The following CPED1 variants were observed in gnomAD, a reference collection of about 807,000 sequenced individuals.
The protein encoded by CPED1 is cadherin-like and PC-esterase domain-containing protein 1.
Under a neutral mutation model 128.2 loss-of-function variants are expected in CPED1, and 114 were observed. The ratio of observed to expected loss-of-function variants is 0.89; its 90% CI spans 0.76 to 1.04. CPED1 has a LOEUF of 1.04. CPED1 is among the 50% of genes least tolerant of loss of function. The pLI is 0.00. For synonymous variants in CPED1, 462 were observed against 426.7 expected (o/e 1.08, Z -1.02); for missense variants, 1,211 against 1,207.1 (o/e 1.00, Z -0.05).
At chr7:121,037,475 T>C (rs1792925338) in intron 3 of CPED1, among the ~76,000 whole-genome samples, 1 of 152,198 alleles carries the variant, frequency 6.6e-6, no homozygotes, top group East Asian at 1.9e-4. Flanking sequence ...TTCTGGGTTC[T>C]CTATTCTGTT....
chr7:121,152,736 T>G (rs1468558868), intron 16 of CPED1, among the ~76,000 whole-genome samples: 1 of 152,232 alleles, frequency 6.6e-6, no homozygotes, highest in East Asian at 1.9e-4. Flanking sequence ...TCAAATTTTA[T>G]TTTTCCATTG....
chr7:121,141,969 C>T lies in CPED1; in HGVS notation c.1887-4C>T. The stretch of plus-strand genomic sequence containing the variant: ...TCTATTTCTCTCTCCCTCTTTCTCT[C>T]CAGCTTTGCCAGCTACCCTCTGGGC... On this transcript the variant is annotated splice_region_variant and splice_polypyrimidine_tract_variant and intron_variant, in intron 15 of 22. Coordinates refer to ENST00000310396, the MANE Select transcript of CPED1 (RefSeq NM_024913.5). The T allele has an allele frequency of 6.2e-7, 1 of 1,610,798 alleles. No homozygotes were observed. Among genetic ancestry groups the T allele is most frequent in the Non-Finnish European group, 8.5e-7 (1 of 1,177,666 alleles).
chr7:121,250,219 C>A (rs570064254), intron 18 of CPED1, among the ~76,000 whole-genome samples: 234 of 152,296 alleles, frequency 1.5e-3, no homozygotes, highest in African/African-American at 5.5e-3. Flanking sequence ...TCCTGAATAA[C>A]TACTGGGTAC....
chr7:121,085,330 C>T (rs1282158729), intron 5 of CPED1, among the ~76,000 whole-genome samples: 6 of 152,166 alleles, frequency 3.9e-5, no homozygotes, highest in Admixed American at 3.9e-4. Context: ...ATTGTCCTGC[C>T]CAGGGCCTGT....
Position 121,117,493 on chromosome 7 carries a change from CTT to C in CPED1, c.919-6832_919-6831del, listed in dbSNP as rs374884678. On this transcript the variant is annotated intron_variant, in intron 7 of 22. Transcript: ENST00000310396. ...AGTCATTTTTCTCCATTTCTCTAAT[CTT>C]TTTTTCTCTTTTTCTTCTATTGTTA... is the stretch of plus-strand genomic sequence containing the variant. Among the ~76,000 whole-genome samples the C allele has an allele frequency of 3.1e-3, 468 of 152,166 alleles. 4 individuals carry two copies. The highest frequency in any genetic ancestry group is 0.011 in the African/African-American group (439 of 41,520).
At chr7:121,201,138 C>G (rs1463433262) in intron 16 of CPED1, among the ~76,000 whole-genome samples, 1 of 152,006 alleles carries the variant, frequency 6.6e-6, no homozygotes, top group African/African-American at 2.4e-5. Flanking sequence ...ATGGGAAGGT[C>G]AAGAACCAGA....
intron 16 of CPED1, among the ~76,000 whole-genome samples, chr7:121,221,552 A>G (rs1050865958): frequency 6.6e-6 from 1 of 152,236 alleles, no homozygotes; most frequent in Non-Finnish European, 1.5e-5. Context: ...GTCTTCCACA[A>G]TGGTTGAACT....
chr7:121,243,290 G>T (rs1798445055), intron 17 of CPED1, among the ~76,000 whole-genome samples: 1 of 151,960 alleles, frequency 6.6e-6, no homozygotes, highest in African/African-American at 2.4e-5. Flanking sequence ...CATATGATGT[G>T]CTATGTTCAC....
intron 16 of CPED1, among the ~76,000 whole-genome samples, chr7:121,161,937 A>G (rs556251123): frequency 4.6e-5 from 7 of 152,334 alleles, no homozygotes; most frequent in Admixed American, 1.3e-4. Flanking sequence ...AGATTCTTCA[A>G]TTAAAACTAT....
intron 5 of CPED1, among the ~76,000 whole-genome samples, chr7:121,072,487 G>C (rs756744206): frequency 1.7e-4 from 26 of 152,000 alleles, no homozygotes; most frequent in Non-Finnish European, 3.1e-4. Context: ...CTAAATTTTA[G>C]TTCCTAATGC....
intron 16 of CPED1, among the ~76,000 whole-genome samples, chr7:121,208,941 T>A (rs892808454): frequency 1.3e-5 from 2 of 152,058 alleles, no homozygotes; most frequent in Non-Finnish European, 2.9e-5. Flanking sequence ...GAAATGGGTG[T>A]ATTCAAAGAA....
intron 7 of CPED1, among the ~76,000 whole-genome samples, chr7:121,111,807 AGACAAAAT>A (rs1188481859): frequency 6.6e-6 from 1 of 152,216 alleles, no homozygotes; most frequent in Non-Finnish European, 1.5e-5. Flanking sequence ...GGAGAAATGA[AGACAAAAT>A]TTAAACAATG....
At chr7:121,135,762 CTA>C (rs1416590599) in intron 13 of CPED1, among the ~76,000 whole-genome samples, 2 of 151,950 alleles carry the variant, frequency 1.3e-5, no homozygotes, top group Non-Finnish European at 2.9e-5. Flanking sequence ...GATATAAAAG[CTA>C]TAAGGAACCT....
chr7:121,029,043 A>G (rs1792666991), intron 3 of CPED1, among the ~76,000 whole-genome samples: 1 of 152,140 alleles, frequency 6.6e-6, no homozygotes, highest in Non-Finnish European at 1.5e-5. Flanking sequence ...CAATGGCTGT[A>G]TAAAGTTATA....
chr7:121,047,855 G>C (rs115805324), intron 4 of CPED1, among the ~76,000 whole-genome samples: 2,740 of 151,454 alleles, frequency 0.018, 84 homozygotes, highest in African/African-American at 0.06. Context: ...GGCGCCCGTA[G>C]TCCCACGCCC....
At chr7:121,055,577 AAT>A (rs1284729297) in intron 4 of CPED1, among the ~76,000 whole-genome samples, 1 of 150,290 alleles carries the variant, frequency 6.7e-6, no homozygotes, top group Non-Finnish European at 1.5e-5. Flanking sequence ...TATGTGTAAA[AAT>A]ATAGATATAA....
chr7:121,205,067 G>A (rs1797487565), intron 16 of CPED1, among the ~76,000 whole-genome samples: 1 of 152,002 alleles, frequency 6.6e-6, no homozygotes, highest in African/African-American at 2.4e-5. Flanking sequence ...TTGCTGATGA[G>A]GATTTCAGAT....
intron 2 of CPED1, among the ~76,000 whole-genome samples, chr7:121,005,025 T>C (rs1234057628): frequency 2.0e-5 from 3 of 152,198 alleles, no homozygotes; most frequent in Non-Finnish European, 4.4e-5. Context: ...ATGGCTTATT[T>C]AGTATTTTAA....
intron 15 of CPED1, 146 bp from the exon 16 acceptor site, chr7:121,141,827 A>T (rs189840846): frequency 5.5e-4 from 323 of 586,330 alleles, no homozygotes; most frequent in African/African-American, 5.0e-3. Context: ...ATTTATTTTC[A>T]TAGTTTAGGT....
Sources: gnomAD v4.1 joint callset for allele counts (sites outside exome capture counted in the v4.1 genomes callset) on GRCh38, gnomAD v4.1.1 for gene constraint, MANE v1.5 for transcripts, NCBI Gene and HGNC (gene_info 2026-07-23, HGNC 2026-07-21) for gene names.